SOX5: variants seen among roughly 807,000 people sequenced by gnomAD.
SOX5 encodes the protein SRY-box transcription factor 5, also known as transcription factor SOX-5.
SOX5 carries 9 observed loss-of-function variants against 92.0 expected under a neutral mutation model. The observed-to-expected ratio is 0.10, with a 90% CI of 0.06 to 0.17. The LOEUF is 0.17. Among genes scored for constraint, SOX5 ranks in the 10% least tolerant of loss-of-function variants. The pLI is 1.00. For missense variants in SOX5, 642 were observed against 944.5 expected (o/e 0.68, Z 4.20); for synonymous variants, 344 against 336.3 (o/e 1.02, Z -0.25).
At chr12:24,199,232 G>A (rs535667156) in intron 4 of SOX5, among the ~76,000 whole-genome samples, 23 of 152,262 alleles carry the variant, frequency 1.5e-4, no homozygotes, top group Admixed American at 9.8e-4. Context: ...GGTACAATGC[G>A]TCTGTTCCAG....
chr12:24,042,478 C>T (rs1038691417), intron 4 of SOX5, among the ~76,000 whole-genome samples: 1 of 152,074 alleles, frequency 6.6e-6, no homozygotes, highest in Admixed American at 6.5e-5. Flanking sequence ...TTCTTCCTGA[C>T]CAAGTTTTTC....
chr12:24,148,481 C>CAAAA (rs34951170), intron 4 of SOX5, among the ~76,000 whole-genome samples: 4 of 53,570 alleles, frequency 7.5e-5, no homozygotes, highest in African/African-American at 1.6e-4. Flanking sequence ...GGCTCCATGT[C>CAAAA]AAAAAAAAAA....
At chr12:24,561,396 G>T (rs1022564010) in intron 1 of SOX5, among the ~76,000 whole-genome samples, 1 of 152,184 alleles carries the variant, frequency 6.6e-6, no homozygotes, top group Non-Finnish European at 1.5e-5. Flanking sequence ...GCAAAGTGTA[G>T]GGAAAATGAC....
chr12:24,424,138 G>A (rs1279917497), intron 1 of SOX5, among the ~76,000 whole-genome samples: 1 of 152,164 alleles, frequency 6.6e-6, no homozygotes, highest in Non-Finnish European at 1.5e-5. Flanking sequence ...ATAGCAAAAT[G>A]AGCATCTCCA....
In SOX5 at chr12:23,639,332, C is replaced by A. The variant is rs954253103; in HGVS notation, c.1017+1480G>T. ...ATAGCTACTTTCGAAGAGAGTCGTGCAATGAACATAGGAGTTGCCTCTAAC... is the reference window on the plus strand; with the variant it reads ...ATAGCTACTTTCGAAGAGAGTCGTGAAATGAACATAGGAGTTGCCTCTAAC... On this transcript the variant is annotated intron_variant, in intron 8 of 14. Coordinates refer to ENST00000451604, the MANE Select transcript of SOX5 (RefSeq NM_006940.6). Among the ~76,000 whole-genome samples, 16 of 152,192 alleles carry A rather than the reference C, an allele frequency of 1.1e-4. No individual in the cohort carries two copies. In the East Asian group the frequency reaches 3.1e-3, roughly 29 times the overall value.
intron 4 of SOX5, among the ~76,000 whole-genome samples, chr12:24,029,154 ATTTTCTATTGACTGTAGTTCC>A (rs1464436555): frequency 1.3e-5 from 2 of 151,920 alleles, no homozygotes; most frequent in Admixed American, 1.3e-4. Context: ...AATACACATT[ATTTTCTATTGACTGTAGTTCC>A]TTTTAAATCC....
intron 9 of SOX5, among the ~76,000 whole-genome samples, chr12:23,598,493 G>C (rs1309854289): frequency 1.4e-5 from 2 of 147,900 alleles, no homozygotes; most frequent in African/African-American, 5.0e-5. Context: ...CCGCCTCCTG[G>C]GTTCATGCTA....
intron 6 of SOX5, among the ~76,000 whole-genome samples, chr12:23,665,971 C>T (rs1477470398): frequency 6.6e-6 from 1 of 152,150 alleles, no homozygotes; most frequent in East Asian, 1.9e-4. Flanking sequence ...ACAAAACTAA[C>T]TAAACCTGTA....
At chr12:23,882,414 A>G (rs1221175606) in intron 2 of SOX5, among the ~76,000 whole-genome samples, 1 of 152,024 alleles carries the variant, frequency 6.6e-6, no homozygotes, top group East Asian at 1.9e-4. Context: ...CCCCCGAACC[A>G]TGTCCTAAAA....
intron 1 of SOX5, among the ~76,000 whole-genome samples, chr12:24,531,511 A>C (rs1382581347): frequency 1.3e-5 from 2 of 152,232 alleles, no homozygotes; most frequent in African/African-American, 2.4e-5. Flanking sequence ...ATAACTATAA[A>C]GTAATGTAAC....
At chr12:23,541,705 T>C (rs1565655836) in intron 13 of SOX5, among the ~76,000 whole-genome samples, 1 of 152,350 alleles carries the variant, frequency 6.6e-6, no homozygotes, top group East Asian at 1.9e-4. Flanking sequence ...AGATAACATT[T>C]AGGTGAAAAA....
intron 10 of SOX5, among the ~76,000 whole-genome samples, chr12:23,571,222 C>T (rs1340607317): frequency 6.6e-6 from 1 of 151,592 alleles, no homozygotes; most frequent in Admixed American, 6.6e-5. Flanking sequence ...ATAATATCCT[C>T]CTTTAAGTCA....
At chr12:23,857,626 G>A (rs1422241751) in intron 2 of SOX5, among the ~76,000 whole-genome samples, 2 of 152,178 alleles carry the variant, frequency 1.3e-5, no homozygotes, top group Non-Finnish European at 2.9e-5. Flanking sequence ...ACAATGACAG[G>A]AATGTGTAAG....
intron 13 of SOX5, among the ~76,000 whole-genome samples, chr12:23,538,581 T>C (rs1356962185): frequency 6.6e-6 from 1 of 152,136 alleles, no homozygotes; most frequent in Non-Finnish European, 1.5e-5. Context: ...AACACAGATA[T>C]GGTTATGATC....
intron 2 of SOX5, among the ~76,000 whole-genome samples, chr12:24,346,426 A>G (rs142409738): frequency 8.6e-5 from 13 of 151,968 alleles, no homozygotes; most frequent in Admixed American, 7.2e-4. Flanking sequence ...TCTTCTTCAG[A>G]GTTATCAATA....
At chr12:23,768,430 A>G (rs1293263329) in intron 3 of SOX5, among the ~76,000 whole-genome samples, 1 of 152,172 alleles carries the variant, frequency 6.6e-6, no homozygotes, top group Non-Finnish European at 1.5e-5. Flanking sequence ...TTACAGAACA[A>G]TTACATCTCT....
intron 1 of SOX5, among the ~76,000 whole-genome samples, chr12:24,542,777 T>C (rs1952259313): frequency 6.6e-6 from 1 of 152,240 alleles, no homozygotes; most frequent in South Asian, 2.1e-4. Context: ...AGAACCACTA[T>C]ATTAGTTGTC....
intron 1 of SOX5, among the ~76,000 whole-genome samples, chr12:24,467,173 A>G (rs556994891): frequency 4.6e-5 from 7 of 152,350 alleles, no homozygotes; most frequent in Admixed American, 1.3e-4. Flanking sequence ...AAGCAAAAGT[A>G]TTAATACCAT....
intron 1 of SOX5, among the ~76,000 whole-genome samples, chr12:24,508,158 C>T (rs1007888959): frequency 6.6e-6 from 1 of 152,082 alleles, no homozygotes; most frequent in Non-Finnish European, 1.5e-5. Flanking sequence ...TAAGCAGAGA[C>T]TGATGGGGTT....
Sources: allele counts gnomAD v4.1 joint callset (sites outside exome capture counted in the v4.1 genomes callset), GRCh38; gene constraint gnomAD v4.1.1; transcripts MANE v1.5; gene names NCBI Gene and HGNC (gene_info 2026-07-23, HGNC 2026-07-21).